NR2C1: variants seen among roughly 807,000 people sequenced by gnomAD.
NR2C1 encodes nuclear receptor subfamily 2 group C member 1.
Under a neutral mutation model 74.8 loss-of-function variants are expected in NR2C1, and 33 were observed. The ratio of observed to expected loss-of-function variants is 0.44; its 90% confidence interval spans 0.33 to 0.59. The LOEUF is 0.59. Among genes scored for constraint, NR2C1 ranks in the 20% least tolerant of loss-of-function variants. NR2C1 has a pLI of 0.02. For missense variants in NR2C1, 568 were observed against 715.6 expected, an observed-to-expected ratio of 0.79 and a Z score of 2.35; for synonymous variants, 225 against 240.6, an observed-to-expected ratio of 0.94 and a Z score of 0.60.
rs1491141109 is a variant in NR2C1, at chr12:95,072,295, AAC to A, written c.-8+1083_-8+1084del. On this transcript the variant is annotated intron_variant, in intron 1 of 13. Coordinates refer to ENST00000333003, the MANE Select transcript of NR2C1 (RefSeq NM_003297.4). ...TACAAAAAACAAAAACAAAAACAAA[AAC>A]AAAAAAACTAGCTGGGTGTGGTGGC... 7.9e-3 allele frequency among the ~76,000 whole-genome samples: 1,134 copies of A among 142,706 alleles called. 22 individuals are homozygous for A. The highest frequency in any genetic ancestry group is 0.031 in the African/African-American group (1,084 of 35,104). 93.6% of individuals were successfully genotyped at this position (142,706 alleles called of 152,430 possible). A position where few individuals can be genotyped will look rare whatever the true frequency, so the allele number is the denominator to read the frequency against.
At chr12:95,036,544 T>C (rs935353554) in intron 10 of NR2C1, among the ~76,000 whole-genome samples, 1 of 150,818 alleles carries the variant, frequency 6.6e-6, no homozygotes, top group African/African-American at 2.5e-5. Flanking sequence ...AGAGTCTCAC[T>C]CTGTCACCCA....
intron 3 of NR2C1, among the ~76,000 whole-genome samples, chr12:95,060,526 G>C (rs58419790): frequency 0.047 from 7,113 of 152,104 alleles, 227 homozygotes; most frequent in Middle Eastern, 0.095. Flanking sequence ...GTGGTGGAGA[G>C]TGCCTGTAAT....
At chr12:95,069,934 C>T (rs528296649) in intron 1 of NR2C1, among the ~76,000 whole-genome samples, 1 of 152,138 alleles carries the variant, frequency 6.6e-6, no homozygotes, top group South Asian at 2.1e-4. Context: ...CTATGCCTGA[C>T]CCTGGGATAG....
At chr12:95,032,325 T>C (rs1870230876) in intron 10 of NR2C1, among the ~76,000 whole-genome samples, 1 of 152,090 alleles carries the variant, frequency 6.6e-6, no homozygotes, top group Non-Finnish European at 1.5e-5. Context: ...CTCCTGAATT[T>C]CTAAGTAACT....
chr12:95,067,698 G>C (rs1308034623), intron 1 of NR2C1, among the ~76,000 whole-genome samples: 1 of 151,560 alleles, frequency 6.6e-6, no homozygotes, highest in Non-Finnish European at 1.5e-5. Context: ...TGAGTAGCTG[G>C]AACTACAGGT....
At chr12:95,072,347 G>C (rs1212708440) in intron 1 of NR2C1, among the ~76,000 whole-genome samples, 24 of 150,956 alleles carry the variant, frequency 1.6e-4, no homozygotes, top group African/African-American at 5.1e-4. Flanking sequence ...CCAGCTACTC[G>C]GGAGGCTGAG....
At chr12:95,034,547 G>C (rs984799693) in intron 10 of NR2C1, among the ~76,000 whole-genome samples, 1 of 152,144 alleles carries the variant, frequency 6.6e-6, no homozygotes, top group Non-Finnish European at 1.5e-5. Flanking sequence ...AAGTTGAAAT[G>C]TGCACTTTCT....
intron 9 of NR2C1, among the ~76,000 whole-genome samples, chr12:95,047,427 A>T (rs1191484539): frequency 6.6e-6 from 1 of 152,206 alleles, no homozygotes; most frequent in Non-Finnish European, 1.5e-5. Context: ...TTTTACATAA[A>T]AATTGGCTTC....
intron 11 of NR2C1, among the ~76,000 whole-genome samples, chr12:95,029,659 G>A (rs1195160483): frequency 6.7e-6 from 1 of 149,684 alleles, no homozygotes; most frequent in East Asian, 2.0e-4. Context: ...CTGGGTTCAA[G>A]CAATTCTCTG....
chr12:95,031,007 C>A, intron 11 of NR2C1: 1 of 763,328 alleles, frequency 1.3e-6, no homozygotes, highest in Non-Finnish European at 2.1e-6. Flanking sequence ...AAAGAAAGGT[C>A]ATTTAAAAAT....
intron 10 of NR2C1, among the ~76,000 whole-genome samples, chr12:95,034,972 T>C (rs1393501179): frequency 6.6e-6 from 1 of 151,946 alleles, no homozygotes; most frequent in African/African-American, 2.4e-5. Flanking sequence ...TGGGCGAAAA[T>C]ACATACACAA....
chr12:95,034,525 A>G (rs1856834414), intron 10 of NR2C1, among the ~76,000 whole-genome samples: 1 of 152,240 alleles, frequency 6.6e-6, no homozygotes, highest in Non-Finnish European at 1.5e-5. Flanking sequence ...ACAGTTTGGT[A>G]GTACCCATCG....
In NR2C1 at chr12:95,070,937, C is replaced by T. The variant is rs145865440; in HGVS notation, c.-8+2443G>A. 4.9e-3 allele frequency among the ~76,000 whole-genome samples: 752 copies of T among 152,314 alleles called. 3 individuals carry two copies. The highest frequency in any genetic ancestry group is 7.9e-3 in the African/African-American group (327 of 41,568). On this transcript the variant is annotated intron_variant, in intron 1 of 13. Coordinates refer to ENST00000333003, the MANE Select transcript of NR2C1 (RefSeq NM_003297.4). ...GGTTCAAGCCAGGGGCGATGGCTCACGCCTGTAATCCCAGCACTTTGGGAG... is the reference window on the plus strand; with the variant it reads ...GGTTCAAGCCAGGGGCGATGGCTCATGCCTGTAATCCCAGCACTTTGGGAG...
intron 13 of NR2C1, among the ~76,000 whole-genome samples, chr12:95,024,233 T>C (rs1038903848): frequency 1.3e-5 from 2 of 152,134 alleles, no homozygotes; most frequent in African/African-American, 4.8e-5. Flanking sequence ...TTATTTATTA[T>C]AAACAAACAC....
chr12:95,028,531 TTAAAAA>T lies in NR2C1; in HGVS notation c.1394-13_1394-8del. On this transcript the variant is annotated splice_region_variant and splice_polypyrimidine_tract_variant and intron_variant, in intron 11 of 13. Transcript: ENST00000333003. ...CTTTCTGTTGACATTTTATCTTTAATTAAAAATAAACAAATGCTTCTAGTGTTTGTC... is the reference window on the plus strand; with the variant it reads ...CTTTCTGTTGACATTTTATCTTTAATTAAACAAATGCTTCTAGTGTTTGTC... 1 of 1,480,482 alleles carries T rather than the reference TTAAAAA, an allele frequency of 6.8e-7. No individual in the cohort carries two copies. The highest frequency in any genetic ancestry group is 9.4e-7 in the Non-Finnish European group (1 of 1,068,122). The allele number at this position is 1,480,482 out of a possible 1,614,324, so 91.7% of individuals were successfully genotyped here. A position where few individuals can be genotyped will look rare whatever the true frequency, so the allele number is the denominator to read the frequency against.
intron 10 of NR2C1, among the ~76,000 whole-genome samples, chr12:95,040,011 CT>C (rs764664377): frequency 0.02 from 2,841 of 143,494 alleles, 28 homozygotes; most frequent in African/African-American, 0.046. Flanking sequence ...TTTACATTTT[CT>C]TTTTTTTTTT....
intron 9 of NR2C1, among the ~76,000 whole-genome samples, chr12:95,048,192 C>T (rs78734647): frequency 0.045 from 6,795 of 152,182 alleles, 208 homozygotes; most frequent in Middle Eastern, 0.096. Context: ...TCCCAAAGTA[C>T]TGCGATGACA....
At chr12:95,050,099 G>A (rs1349986575) in intron 8 of NR2C1, among the ~76,000 whole-genome samples, 1 of 152,060 alleles carries the variant, frequency 6.6e-6, no homozygotes, top group Non-Finnish European at 1.5e-5. Flanking sequence ...CTGCACCCGG[G>A]CAGAGAGTAT....
chr12:95,032,867 T>G (rs992540134), intron 10 of NR2C1, among the ~76,000 whole-genome samples: 2 of 152,056 alleles, frequency 1.3e-5, no homozygotes, highest in African/African-American at 4.8e-5. Flanking sequence ...ACTCGCAGGC[T>G]GAGGTGGGAG....
Sources: allele counts gnomAD v4.1 joint callset (sites outside exome capture counted in the v4.1 genomes callset), GRCh38; gene constraint gnomAD v4.1.1; transcripts MANE v1.5; gene names NCBI Gene and HGNC (gene_info 2026-07-23, HGNC 2026-07-21).